RNF14: variants seen among roughly 807,000 people sequenced by gnomAD.
RNF14 encodes E3 ubiquitin-protein ligase RNF14.
A neutral mutation model predicts 52.6 loss-of-function variants in RNF14; 26 were observed. The observed-to-expected ratio is 0.49, with a 90% CI of 0.36 to 0.69. The LOEUF (loss-of-function observed/expected upper bound fraction) is 0.69. RNF14 is among the 30% of genes least tolerant of loss of function. RNF14 has a pLI of 0.00. For missense variants in RNF14, 404 were observed against 560.4 expected, an observed-to-expected ratio of 0.72 and a Z score of 2.82; for synonymous variants, 194 against 202.0, an observed-to-expected ratio of 0.96 and a Z score of 0.34.
chr5:141,980,396 C>G, intron 6 of RNF14, 45 bp downstream of exon 6: 1 of 1,416,858 alleles, frequency 7.1e-7, no homozygotes, highest in Non-Finnish European at 9.9e-7. Flanking sequence ...CAGTCTCTCC[C>G]TCACATTTCA....
At chr5:141,981,192 A>G (rs1486456224) in intron 6 of RNF14, among the ~76,000 whole-genome samples, 5 of 152,240 alleles carry the variant, frequency 3.3e-5, no homozygotes, top group Admixed American at 3.3e-4. Flanking sequence ...ATGCTATTCA[A>G]AATTGTTATA....
chr5:141,955,001 C>T (rs747907583), upstream of RNF14: 3 of 1,613,744 alleles, frequency 1.9e-6, no homozygotes, highest in Admixed American at 3.3e-5. This position sits in a 1 kb window ranked among gnomAD's most constrained non-coding sequence, Gnocchi z 5.5. Flanking sequence ...ACAGTGAGCT[C>T]CTCCACGGGG....
intron 2 of RNF14, among the ~76,000 whole-genome samples, chr5:141,971,661 A>G (rs1181856315): frequency 7.0e-4 from 60 of 85,294 alleles, no homozygotes; most frequent in Middle Eastern, 0.013. Context: ...TTTTTTTTGG[A>G]GACAGAGTCT....
chr5:141,966,672 C>A (rs1303391603), upstream of RNF14: 4 of 152,262 alleles, frequency 2.6e-5, no homozygotes, highest in Non-Finnish European at 4.4e-5. Context: ...TTTACCCAAT[C>A]TTGTCCTCAA....
At chr5:141,956,402 C>A (rs1255206551), upstream of RNF14, 2 of 1,614,210 alleles carry the variant, frequency 1.2e-6, no homozygotes, top group Non-Finnish European at 8.5e-7. Flanking sequence ...GCATCATGAG[C>A]CTTGATGGTA....
In RNF14 at chr5:141,980,185, C is replaced by G; in HGVS notation, c.897C>G (p.Ser299=). The G allele has an allele frequency of 6.2e-7, 1 of 1,614,250 alleles. No homozygotes were observed. The highest frequency in any genetic ancestry group is 8.5e-7 in the Non-Finnish European group (1 of 1,180,048). ...ARYDRLLLQS[S]LDLMADVVYC... is the part of the protein sequence containing the mutation. Reference sequence around the variant, plus strand: ...ATGACCGCCTTCTCCTCCAGTCCTCCTTGGACCTGATGGCAGATGTGGTGT... The same window carrying G: ...ATGACCGCCTTCTCCTCCAGTCCTCGTTGGACCTGATGGCAGATGTGGTGT... The change falls in exon 6 of 9, where the codon TCC becomes TCG. Residue 299 remains serine, a synonymous_variant. Transcript: ENST00000394520.
At chr5:141,957,500 G>A, upstream of RNF14, 2 of 1,614,072 alleles carry the variant, frequency 1.2e-6, no homozygotes, top group East Asian at 4.5e-5. The surrounding 1 kb of genome is among the most constrained non-coding windows in gnomAD (Gnocchi z 4.3). Context: ...ACATGGATCA[G>A]AGCCAAATCC....
chr5:141,971,034 TAA>T (rs1753698271), intron 2 of RNF14, among the ~76,000 whole-genome samples, 157 bp downstream of exon 2: 1 of 152,242 alleles, frequency 6.6e-6, no homozygotes, highest in Non-Finnish European at 1.5e-5. Context: ...TAAAAAATCC[TAA>T]CTTTTTACTT....
chr5:141,974,080 G>A lies in RNF14; in HGVS notation c.154+338G>A, dbSNP rs1411788908. On this transcript the variant is annotated intron_variant, in intron 3 of 8. Transcript: ENST00000394520. ...AAACGCTTAGAAATTTTCAAGTACA[G>A]TGGTGGTGGTTAATACTATTTGGTT... is the stretch of plus-strand genomic sequence containing the variant. Among the ~76,000 whole-genome samples the A allele has an allele frequency of 3.3e-5, 5 of 152,222 alleles. No homozygotes were observed. The South Asian group carries it at 6.2e-4, about 19-fold the overall frequency.
At chr5:141,953,694 A>C (rs1173734920), upstream of RNF14, among the ~76,000 whole-genome samples, 2 of 152,244 alleles carry the variant, frequency 1.3e-5, no homozygotes, top group African/African-American at 4.8e-5. Flanking sequence ...GAGTTTATCC[A>C]AAAAGCACCT....
At chr5:141,958,044 G>C (rs975812970), upstream of RNF14, 2 of 636,794 alleles carry the variant, frequency 3.1e-6, no homozygotes, top group East Asian at 2.8e-5. Flanking sequence ...CATTGGAAGC[G>C]ATCTGAGATG....
At chr5:141,955,166 T>C, upstream of RNF14, 1 of 1,614,176 alleles carries the variant, frequency 6.2e-7, no homozygotes, top group Non-Finnish European at 8.5e-7. This position sits in a 1 kb window ranked among gnomAD's most constrained non-coding sequence, Gnocchi z 5.5. Context: ...GCTTCCTCAC[T>C]GCCCTGGTCT....
upstream of RNF14, among the ~76,000 whole-genome samples, chr5:141,964,908 T>C (rs927773762): frequency 2.6e-5 from 4 of 151,782 alleles, no homozygotes; most frequent in Admixed American, 6.6e-5. Context: ...ATAACAGGCA[T>C]GAGCCACCAC....
In RNF14 at chr5:141,988,038, TATA is replaced by T. The variant is rs1755395758; in HGVS notation, c.*251_*253del. On this transcript the variant is annotated 3_prime_UTR_variant, in exon 9 of 9. Coordinates refer to ENST00000394520, the MANE Select transcript of RNF14 (RefSeq NM_004290.5). Reference sequence around the variant, plus strand: ...AATTAAACTACAGAATATTAAATATTATAATGTGCCCAAAGCTCTGAATAGTTA... The same window carrying T: ...AATTAAACTACAGAATATTAAATATTATGTGCCCAAAGCTCTGAATAGTTA... 2.1e-6 allele frequency: 1 copy of T among 467,538 alleles called. No homozygotes were observed. Among genetic ancestry groups the T allele is most frequent in the South Asian group, 3.2e-5 (1 of 30,868 alleles). 29.0% of individuals were successfully genotyped at this position (467,538 alleles called of 1,614,324 possible).
At chr5:141,986,891 C>A (rs1596717025) in intron 8 of RNF14, among the ~76,000 whole-genome samples, 1 of 152,272 alleles carries the variant, frequency 6.6e-6, no homozygotes, top group South Asian at 2.1e-4. Context: ...CTTCAGGGGA[C>A]CCATGTTCAA....
upstream of RNF14, chr5:141,955,547 G>A (rs1561536002): frequency 5.6e-6 from 9 of 1,614,172 alleles, no homozygotes; most frequent in Non-Finnish European, 7.6e-6. The surrounding 1 kb of genome is among the most constrained non-coding windows in gnomAD (Gnocchi z 5.5). Context: ...TTCTGAATGT[G>A]TTTCTGGGGC....
chr5:141,957,800 A>G (rs867032842), upstream of RNF14: 1 of 1,604,732 alleles, frequency 6.2e-7, no homozygotes, highest in Middle Eastern at 1.7e-4. The surrounding 1 kb of genome is among the most constrained non-coding windows in gnomAD (Gnocchi z 4.3). Flanking sequence ...AAAAGAAATA[A>G]GTAGCCACCT....
Position 141,978,335 on chromosome 5 carries a change from A to G in RNF14, c.339A>G (p.Leu113=), listed in dbSNP as rs1440106920. The stretch of plus-strand genomic sequence containing the variant: ...CTCTATGCAAGCACTTAGACAACCT[A>G]TGGGAAGAACACCGTGGCAGCGTGG... ...LSALCKHLDN[L]WEEHRGSVVL... is the part of the protein sequence containing the mutation. The change falls in exon 5 of 9, where the codon CTA becomes CTG. Residue 113 remains leucine (L), a synonymous_variant. Coordinates refer to ENST00000394520, the MANE Select transcript of RNF14 (RefSeq NM_004290.5). 3 of 1,611,612 alleles carry G rather than the reference A, an allele frequency of 1.9e-6. No individual in the cohort carries two copies. The highest frequency in any genetic ancestry group is 2.2e-5 in the South Asian group (2 of 90,788).
rs1753669804 is a variant in RNF14, at chr5:141,970,751, CTCTT to C, written c.-132_-129del. ...TGTAGTATGAGTTCCACATCTTGGC[CTCTT>C]ACCCAGCTTCAGCAGTCTCAGCTCC... On this transcript the variant is annotated 5_prime_UTR_variant, in exon 2 of 9. An upstream open reading frame in the 5' UTR gains an earlier in-frame stop. Transcript: ENST00000394520. 1 of 152,314 alleles carries C rather than the reference CTCTT, an allele frequency of 6.6e-6. No individual in the cohort carries two copies. The highest frequency in any genetic ancestry group is 2.4e-5 in the African/African-American group (1 of 41,426). 9.4% of individuals were successfully genotyped at this position (152,314 alleles called of 1,614,324 possible).
Sources: gnomAD v4.1 joint callset for allele counts (sites outside exome capture counted in the v4.1 genomes callset) on GRCh38, gnomAD v4.1.1 for gene constraint, Gnocchi (gnomAD v3.1) non-coding constraint, MANE v1.5 for transcripts, NCBI Gene and HGNC (gene_info 2026-07-23, HGNC 2026-07-21) for gene names.